BRF1: variants seen among roughly 807,000 people sequenced by gnomAD.
BRF1 encodes BRF1 general transcription factor IIIB subunit.
BRF1 carries 59 observed loss-of-function variants against 81.7 expected under a neutral mutation model. That is an observed-to-expected ratio of 0.72 (90% confidence interval 0.59 to 0.90). The LOEUF (loss-of-function observed/expected upper bound fraction) is 0.90, where lower values mean the gene tolerates loss of function less well. Among genes scored for constraint, BRF1 ranks in the 40% least tolerant of loss-of-function variants. The pLI, the probability that BRF1 is intolerant of heterozygous loss-of-function variation, is 0.00. For missense variants in BRF1, 1,050 were observed against 936.3 expected (o/e 1.12, Z -1.58); for synonymous variants, 491 against 395.6 (o/e 1.24, Z -2.86).
intron 1 of BRF1, among the ~76,000 whole-genome samples, chr14:105,293,156 G>A (rs1036053358): frequency 1.3e-5 from 2 of 152,112 alleles, no homozygotes; most frequent in Non-Finnish European, 2.9e-5. Flanking sequence ...GAGGCCAGGC[G>A]CATGCTCAGA....
At chr14:105,304,296 C>T (rs587752769), upstream of BRF1, among the ~76,000 whole-genome samples, 167 of 152,210 alleles carry the variant, frequency 1.1e-3, no homozygotes, top group Non-Finnish European at 1.3e-3. Flanking sequence ...TCAAGACCGT[C>T]CTGGCCAACA....
intron 3 of BRF1, among the ~76,000 whole-genome samples, chr14:105,265,572 T>C (rs1211472020): frequency 6.6e-6 from 1 of 151,886 alleles, no homozygotes; most frequent in Non-Finnish European, 1.5e-5. Flanking sequence ...GCCAACATGG[T>C]GAAACCCCTC....
intron 3 of BRF1, among the ~76,000 whole-genome samples, chr14:105,265,035 T>A (rs1307317038): frequency 6.6e-6 from 1 of 151,506 alleles, no homozygotes; most frequent in Non-Finnish European, 1.5e-5. Flanking sequence ...AGTCATAAGT[T>A]CTACTTATCC....
Position 105,300,301 on chromosome 14 carries a change from C to G in BRF1, c.184+145G>C, listed in dbSNP as rs190328979. On this transcript the variant is annotated intron_variant, in intron 1 of 17. Transcript: ENST00000547530. ...AGGTCTACATTCTCGCCAAGGGGATCCACACTCGCGCCCAGACGGCGCAGA... is the reference window on the plus strand; with the variant it reads ...AGGTCTACATTCTCGCCAAGGGGATGCACACTCGCGCCCAGACGGCGCAGA... 4,871 of 926,094 alleles carry G rather than the reference C, an allele frequency of 5.3e-3. 35 individuals carry two copies. The highest frequency in any genetic ancestry group is 0.029 in the East Asian group (891 of 30,788). The allele number at this position is 926,094 out of a possible 1,614,324, so 57.4% of individuals were successfully genotyped here.
At chr14:105,223,683 C>T (rs906996643) in intron 10 of BRF1, among the ~76,000 whole-genome samples, 2 of 152,176 alleles carry the variant, frequency 1.3e-5, no homozygotes, top group African/African-American at 4.8e-5. Context: ...CCCGTGGGAG[C>T]CACAGATCTG....
At chr14:105,220,991 C>G (rs1433309518) in intron 11 of BRF1, among the ~76,000 whole-genome samples, 1 of 152,258 alleles carries the variant, frequency 6.6e-6, no homozygotes, top group Non-Finnish European at 1.5e-5. Context: ...CCCCAACCAT[C>G]AGGATTGTCT....
chr14:105,249,252 G>T (rs1203331207), intron 5 of BRF1: 4 of 1,570,204 alleles, frequency 2.5e-6, no homozygotes, highest in Non-Finnish European at 3.4e-6. Context: ...CACAAGGTGG[G>T]TAGCGGCGGC....
At chr14:105,250,667 G>A (rs2055552177) in intron 5 of BRF1, 1 of 1,604,172 alleles carries the variant, frequency 6.2e-7, no homozygotes, top group African/African-American at 1.3e-5. Context: ...CATTTTCTAT[G>A]CCTGAGGTGC....
At chr14:105,291,637 CTG>C (rs1231338426) in intron 1 of BRF1, among the ~76,000 whole-genome samples, 3 of 151,766 alleles carry the variant, frequency 2.0e-5, no homozygotes, top group Admixed American at 2.0e-4. Flanking sequence ...AGCCAAGACT[CTG>C]TCAAAAAAAA....
Position 105,300,592 on chromosome 14 carries a change from T to A in BRF1, c.38A>T (p.Asp13Val). The A allele has an allele frequency of 6.8e-7, 1 of 1,462,190 alleles. No homozygotes were observed. Among genetic ancestry groups the A allele is most frequent in the Non-Finnish European group, 9.0e-7 (1 of 1,110,648 alleles). The allele number at this position is 1,462,190 out of a possible 1,614,324, so 90.6% of individuals were successfully genotyped here. The change falls in exon 1 of 18, where the codon GAC becomes GTC. Residue 13 changes from aspartate to valine, a missense_variant. Physicochemically the swap from Asp to Val is radical, Grantham distance 152. Coordinates refer to ENST00000547530, the MANE Select transcript of BRF1 (RefSeq NM_001519.4). ...GRVCRGCGGT[D>V]IELDAARGDA... ...CCCGCGCGCCGCGTCCAGCTCGATG[T>A]CCGTGCCGCCGCAACCGCGGCACAC...
intron 5 of BRF1, chr14:105,247,543 G>A (rs912658697): frequency 1.0e-6 from 1 of 985,228 alleles, no homozygotes; most frequent in Admixed American, 6.2e-5. Context: ...AATATCTTCT[G>A]AAGAGGACTC....
In BRF1 at chr14:105,219,955, C is replaced by T. The variant is rs587668189; in HGVS notation, c.1377+114G>A. The stretch of plus-strand genomic sequence containing the variant: ...AAGGCCAGGAGCCCACTTCACCCAG[C>T]GGGGTGGGCTCTGGGCAGGGGAGGT... On this transcript the variant is annotated intron_variant, in intron 12 of 17. Transcript: ENST00000547530. The T allele has an allele frequency of 3.2e-4, 366 of 1,126,572 alleles. 3 individuals are homozygous for T. The highest frequency in any genetic ancestry group is 2.7e-3 in the South Asian group (205 of 75,308). 69.8% of individuals were successfully genotyped at this position (1,126,572 alleles called of 1,614,324 possible).
rs1455896581 is a variant in BRF1 at position 105,271,798 on chromosome 14, C to T, written c.439+923G>A. Among the ~76,000 whole-genome samples the T allele has an allele frequency of 6.6e-6, 1 of 152,236 alleles. No individual in the cohort carries two copies. Among genetic ancestry groups the T allele is most frequent in the East Asian group, 1.9e-4 (1 of 5,192 alleles). ...TGCAAGAGAACACCAGACACTGGAT[C>T]TCCACGCAAGGCCAAGCTGCACACC... On this transcript the variant is annotated intron_variant, in intron 3 of 17. Transcript: ENST00000547530. The surrounding 1 kb of genome is among the most constrained non-coding windows in gnomAD (Gnocchi z 5.5).
intron 15 of BRF1, chr14:105,212,944 C>A (rs587598085): frequency 6.6e-6 from 1 of 152,206 alleles, no homozygotes; most frequent in South Asian, 2.1e-4. Flanking sequence ...AACATCTAGA[C>A]GTGGAGCTCT....
chr14:105,241,440 C>T (rs780588008), intron 5 of BRF1, 26 bp from the exon 6 acceptor site: 1 of 1,607,992 alleles, frequency 6.2e-7, no homozygotes. Context: ...CACCTCAGTG[C>T]CCACCTCCAT....
chr14:105,249,482 AG>A (rs780773995), intron 5 of BRF1: 3 of 1,546,394 alleles, frequency 1.9e-6, no homozygotes, highest in Non-Finnish European at 2.7e-6. Context: ...TCTTAAAGTA[AG>A]TCCACTCTAC....
rs1204143456 is a variant in BRF1, at chr14:105,252,543, A to G, written c.508T>C (p.Leu170=). 12 of 1,613,818 alleles carry G rather than the reference A, an allele frequency of 7.4e-6. No individual in the cohort carries two copies. The highest frequency in any genetic ancestry group is 1.0e-5 in the Non-Finnish European group (12 of 1,180,018). The change falls in exon 5 of 18, where the codon TTG becomes CTG. Residue 170 remains leucine, a synonymous_variant. Coordinates refer to ENST00000547530, the MANE Select transcript of BRF1 (RefSeq NM_001519.4). ...GCATTGATGCAGAGCTCTCTTGCCA[A>G]GAGAAGAAACGTCTTTCCAAGCACG... is the stretch of plus-strand genomic sequence containing the variant. ...VYVLGKTFLL[L]ARELCINAPA... is the part of the protein sequence containing the mutation.
rs964227161 is a variant in BRF1 at position 105,284,541 on chromosome 14, G to A, written c.265+1755C>T. ...CCACAAGAGATGTTCTACCTGTCCC[G>A]ACCACCTTCCAGCATCCACACTAAG... is the stretch of plus-strand genomic sequence containing the variant. On this transcript the variant is annotated intron_variant, in intron 2 of 17. Transcript: ENST00000547530. The surrounding 1 kb of genome is among the most constrained non-coding windows in gnomAD (Gnocchi z 4.0). Among the ~76,000 whole-genome samples, 5 of 152,048 alleles carry A rather than the reference G, an allele frequency of 3.3e-5. No individual in the cohort carries two copies. Among genetic ancestry groups the A allele is most frequent in the African/African-American group, 1.2e-4 (5 of 41,398 alleles).
chr14:105,314,247 G>T (rs964131615), intron 1 of BRF1, among the ~76,000 whole-genome samples: 1 of 151,810 alleles, frequency 6.6e-6, no homozygotes, highest in Non-Finnish European at 1.5e-5. Context: ...AGCGGGGGTC[G>T]GCAGGAGACA....
Sources: allele counts gnomAD v4.1 joint callset (sites outside exome capture counted in the v4.1 genomes callset), GRCh38; gene constraint gnomAD v4.1.1; non-coding constraint Gnocchi (gnomAD v3.1); transcripts MANE v1.5; gene names NCBI Gene and HGNC (gene_info 2026-07-23, HGNC 2026-07-21).